The following CFI variants were observed in gnomAD, a reference collection of about 807,000 sequenced individuals.
CFI encodes C3B/C4B inactivator.
A neutral mutation model predicts 78.8 loss-of-function variants in CFI; 66 were observed. The ratio of observed to expected loss-of-function variants is 0.84; its 90% CI spans 0.69 to 1.03. The LOEUF is 1.03. Ranked by LOEUF, CFI falls within the 50% of genes least tolerant of loss-of-function variation. The pLI, the probability that CFI is intolerant of heterozygous loss-of-function variation, is 0.00. For synonymous variants in CFI, 250 were observed against 232.6 expected (o/e 1.07, Z -0.68); for missense variants, 706 against 704.5 (o/e 1.00, Z -0.02).
chr4:109,781,743 A>G (rs1230073046), intron 1 of CFI, among the ~76,000 whole-genome samples: 1 of 152,156 alleles, frequency 6.6e-6, no homozygotes, highest in Non-Finnish European at 1.5e-5. Flanking sequence ...TGAAGAACAC[A>G]GAAGCTAAAA....
intron 1 of CFI, among the ~76,000 whole-genome samples, chr4:109,789,953 T>G (rs1731184335): frequency 6.6e-6 from 1 of 152,044 alleles, no homozygotes; most frequent in Non-Finnish European, 1.5e-5. Context: ...AGATATTTCT[T>G]TTTTGGGAAA....
In CFI at chr4:109,760,094, A is replaced by T. The variant is rs754904491; in HGVS notation, c.883+176T>A. The T allele has an allele frequency of 6.7e-5, 47 of 700,718 alleles. No homozygotes were observed. In the South Asian group the frequency reaches 7.0e-4, roughly 10 times the overall value. The allele number at this position is 700,718 out of a possible 1,614,324, so 43.4% of individuals were successfully genotyped here. A position where few individuals can be genotyped will look rare whatever the true frequency, so the allele number is the denominator to read the frequency against. The stretch of plus-strand genomic sequence containing the variant: ...GAAAGTTCTGAAATAACAAGTAGAT[A>T]TTTAGCGGATGAAAATATGAGGAGA... On this transcript the variant is annotated intron_variant, in intron 6 of 12. Transcript: ENST00000394634.
At chr4:109,750,153 C>T (rs1268133507) in intron 8 of CFI, among the ~76,000 whole-genome samples, 3 of 151,896 alleles carry the variant, frequency 2.0e-5, no homozygotes, top group South Asian at 2.1e-4. Context: ...CCCACCCCCA[C>T]GCCCAGCTAA....
chr4:109,771,773 CAGG>C (rs1728634266), intron 1 of CFI, among the ~76,000 whole-genome samples: 1 of 133,808 alleles, frequency 7.5e-6, no homozygotes, highest in African/African-American at 2.9e-5. Context: ...GGCTCTGAAG[CAGG>C]AGAACATTTG....
At chr4:109,787,953 C>T (rs1056170964) in intron 1 of CFI, among the ~76,000 whole-genome samples, 2 of 151,974 alleles carry the variant, frequency 1.3e-5, no homozygotes, top group African/African-American at 2.4e-5. Flanking sequence ...ATGTTTCCTT[C>T]CTTTCCTTAT....
rs377176383 is a variant in CFI at position 109,799,427 on chromosome 4, G to A, written c.57+2488C>T. On this transcript the variant is annotated intron_variant, in intron 1 of 12. Transcript: ENST00000394634. ...TCTTCTCTGTTCTTTCCAGTGCTAG[G>A]GAACCGGGTCCCTCCCTGAGTGAGA... Among the ~76,000 whole-genome samples, 9 of 152,300 alleles carry A rather than the reference G, an allele frequency of 5.9e-5. No homozygotes were observed. The East Asian group carries it at 1.4e-3, about 23-fold the overall frequency.
intron 1 of CFI, among the ~76,000 whole-genome samples, chr4:109,795,900 A>T (rs192066498): frequency 1.3e-5 from 2 of 152,302 alleles, no homozygotes; most frequent in Admixed American, 6.5e-5. Flanking sequence ...TATTTACAGA[A>T]GGAGAAGAGA....
chr4:109,760,091 G>C (rs1726839594), intron 6 of CFI, 179 bp downstream of exon 6: 1 of 699,468 alleles, frequency 1.4e-6, no homozygotes, highest in Non-Finnish European at 2.6e-6. Context: ...ATAACAAGTA[G>C]ATATTTAGCG....
At chr4:109,792,368 G>A (rs1362117234) in intron 1 of CFI, among the ~76,000 whole-genome samples, 2 of 152,112 alleles carry the variant, frequency 1.3e-5, no homozygotes, top group Non-Finnish European at 2.9e-5. Context: ...CTGAGGTCAG[G>A]AGTTCAAGAT....
At chr4:109,781,377 T>A (rs1730011235) in intron 1 of CFI, among the ~76,000 whole-genome samples, 1 of 152,246 alleles carries the variant, frequency 6.6e-6, no homozygotes, top group Admixed American at 6.5e-5. Context: ...AAGGCTACTA[T>A]GAACATCTTT....
At chr4:109,745,678 G>A (rs1473388367) in intron 11 of CFI, among the ~76,000 whole-genome samples, 1 of 152,060 alleles carries the variant, frequency 6.6e-6, no homozygotes, top group Non-Finnish European at 1.5e-5. Context: ...TGGGGAATAG[G>A]GAAAGAGGGA....
At chr4:109,777,857 C>A (rs1729469908) in intron 1 of CFI, among the ~76,000 whole-genome samples, 1 of 152,110 alleles carries the variant, frequency 6.6e-6, no homozygotes, top group African/African-American at 2.4e-5. Context: ...TACACGGAAA[C>A]TGAACAACCT....
In CFI at chr4:109,760,563, G is replaced by A; in HGVS notation, c.732C>T (p.Ile244=). The change falls in exon 5 of 13, where the codon ATC becomes ATT. Residue 244 remains isoleucine, a synonymous_variant. Transcript: ENST00000394634. Reference sequence around the variant, plus strand: ...CATCACTTTGGTCTCCACAATCATTGATACCATCACAGGCTTTCATCTGAG... The same window carrying A: ...CATCACTTTGGTCTCCACAATCATTAATACCATCACAGGCTTTCATCTGAG... ...YISQMKACDG[I]NDCGDQSDEL... 3 of 1,610,224 alleles carry A rather than the reference G, an allele frequency of 1.9e-6. No homozygotes were observed. The highest frequency in any genetic ancestry group is 1.7e-4 in the Middle Eastern group (1 of 6,048).
rs531152443 is a variant in CFI, at chr4:109,774,989, G to T, written c.58-8165C>A. ...TTCCTGTATCCCAGAGGTTTTGGTG[G>T]GTTGTGTCATTATTGTCATTCAGTT... On this transcript the variant is annotated intron_variant, in intron 1 of 12. Transcript: ENST00000394634. 4.6e-5 allele frequency among the ~76,000 whole-genome samples: 7 copies of T among 152,108 alleles called. No individual in the cohort carries two copies. In the South Asian group the frequency reaches 8.3e-4, roughly 18 times the overall value.
intron 1 of CFI, among the ~76,000 whole-genome samples, chr4:109,770,857 GA>G (rs1038921354): frequency 6.6e-6 from 1 of 152,172 alleles, no homozygotes; most frequent in Non-Finnish European, 1.5e-5. Context: ...CAGAACCCCA[GA>G]AAAGCTTAGG....
At chr4:109,795,112 C>T (rs558076783) in intron 1 of CFI, among the ~76,000 whole-genome samples, 24 of 152,304 alleles carry the variant, frequency 1.6e-4, no homozygotes, top group South Asian at 8.3e-4. Flanking sequence ...ACAGCATACA[C>T]GATGCTGAAA....
chr4:109,790,780 G>T (rs1348483754), intron 1 of CFI, among the ~76,000 whole-genome samples: 1 of 151,892 alleles, frequency 6.6e-6, no homozygotes, highest in African/African-American at 2.4e-5. Flanking sequence ...TGTTGATCTT[G>T]TTCTCTTTTA....
chr4:109,769,798 G>A (rs1054209028), intron 1 of CFI, among the ~76,000 whole-genome samples: 11 of 152,290 alleles, frequency 7.2e-5, no homozygotes, highest in Middle Eastern at 3.4e-3. Flanking sequence ...ACCCACACCT[G>A]TCTGTTGCCT....
rs190001845 is a variant in CFI, at chr4:109,760,625, C to A, written c.670G>T (p.Asp224Tyr). Reference sequence around the variant, plus strand: ...CCATTCACACACTGAAAGAAGTCATCCATTGGAGAATCTGTAAAGCAGGAA... The same window carrying A: ...CCATTCACACACTGAAAGAAGTCATACATTGGAGAATCTGTAAAGCAGGAA... The part of the protein sequence containing the change: ...CYTQKADSPM[D>Y]DFFQCVNGKY... The change falls in exon 5 of 13, where the codon GAT becomes TAT. Residue 224 changes from aspartate to tyrosine, a missense_variant. By Grantham distance (160) the Asp-to-Tyr change is radical. Coordinates refer to ENST00000394634, the MANE Select transcript of CFI (RefSeq NM_000204.5). The A allele has an allele frequency of 1.3e-6, 2 of 1,573,866 alleles. No individual in the cohort carries two copies. Among genetic ancestry groups the A allele is most frequent in the Non-Finnish European group, 1.7e-6 (2 of 1,143,502 alleles).
Sources: allele counts gnomAD v4.1 joint callset (sites outside exome capture counted in the v4.1 genomes callset), GRCh38; gene constraint gnomAD v4.1.1; transcripts MANE v1.5; gene names NCBI Gene and HGNC (gene_info 2026-07-23, HGNC 2026-07-21).